Variants in XAB2 observed in about 807,000 individuals in gnomAD.
XAB2 encodes XPA binding protein 2.
Under a neutral mutation model 113.4 loss-of-function variants are expected in XAB2, and 57 were observed. That is an observed-to-expected ratio of 0.50 (90% CI 0.41 to 0.63). The LOEUF is 0.63. Among genes scored for constraint, XAB2 ranks in the 20% least tolerant of loss-of-function variants. The pLI, the probability that XAB2 is intolerant of heterozygous loss-of-function variation, is 0.00. For synonymous variants in XAB2, 497 were observed against 498.8 expected (o/e 1.00, Z 0.05); for missense variants, 1,037 against 1,233.3 (o/e 0.84, Z 2.38).
chr19:7,620,056 C>T lies in XAB2; in HGVS notation c.2286G>A (p.Gly762=), dbSNP rs909331517. ...ATGTVSDLAP[G]QSGMDDMKLL... ...GCTTCATGTCGTCCATGCCACTCTG[C>T]CCAGGGGCCAGGTCAGACACTAGGG... Residue 762 remains glycine (G), a synonymous_variant, in exon 17 of 19, where the codon GGG becomes GGA. Coordinates refer to ENST00000358368, the MANE Select transcript of XAB2 (RefSeq NM_020196.3). 6.2e-7 allele frequency: 1 copy of T among 1,612,044 alleles called. No homozygotes were observed. Among genetic ancestry groups the T allele is most frequent in the Non-Finnish European group, 8.5e-7 (1 of 1,179,968 alleles).
In XAB2 at chr19:7,619,836, T is replaced by C. The variant is rs2030988794; in HGVS notation, c.2417A>G (p.Glu806Gly). The C allele has an allele frequency of 6.2e-7, 1 of 1,612,722 alleles. No homozygotes were observed. The highest frequency in any genetic ancestry group is 8.5e-7 in the Non-Finnish European group (1 of 1,179,900). The change falls in exon 18 of 19, where the codon GAG becomes GGG. Residue 806 changes from glutamate (E) to glycine (G), a missense_variant. By Grantham distance (98) the Glu-to-Gly change is moderately conservative. Coordinates refer to ENST00000358368, the MANE Select transcript of XAB2 (RefSeq NM_020196.3). ...GACCTGCTGTGCCAGCTCTGCCAGC[T>C]CCTCCCGGGAGGCGTCACTCCTAGG... ...LFVRSDASREELAELAQQVNP... is the reference protein window; with the variant it reads ...LFVRSDASREGLAELAQQVNP...
chr19:7,621,339 G>A (rs1209809999), intron 12 of XAB2, 42 bp from the exon 13 acceptor site: 4 of 1,601,648 alleles, frequency 2.5e-6, no homozygotes, highest in South Asian at 1.1e-5. Flanking sequence ...TCTGCAGATA[G>A]AGACCACCAG....
intron 12 of XAB2, chr19:7,621,520 C>T: frequency 1.7e-6 from 1 of 578,486 alleles, no homozygotes; most frequent in Non-Finnish European, 3.1e-6. Context: ...ACCTGCTAAG[C>T]ACAGTCTGGC....
chr19:7,621,975 A>C (rs894845738), intron 12 of XAB2: 17 of 231,808 alleles, frequency 7.3e-5, no homozygotes, highest in Non-Finnish European at 1.5e-4. Flanking sequence ...TTTGAAGATG[A>C]GATCACTAAG....
At position 7,620,386 on chromosome 19, in the gene XAB2, T is replaced by C; in HGVS notation, c.2155A>G (p.Thr719Ala). 6.2e-7 allele frequency: 1 copy of C among 1,612,596 alleles called. No homozygotes were observed. The highest frequency in any genetic ancestry group is 1.1e-5 in the South Asian group (1 of 91,084). The change falls in exon 16 of 19, where the codon ACC becomes GCC. Residue 719 changes from threonine to alanine, a missense_variant. Coordinates refer to ENST00000358368, the MANE Select transcript of XAB2 (RefSeq NM_020196.3). ...CGGATACGCAGCATTTCCTTGATGG[T>C]GTCCTCATTGCCATGCCGGACCTCA... ...DFEVRHGNEDTIKEMLRIRRS... is the reference protein window; with the variant it reads ...DFEVRHGNEDAIKEMLRIRRS...
chr19:7,622,175 C>T, intron 12 of XAB2, 156 bp downstream of exon 12: 1 of 717,770 alleles, frequency 1.4e-6, no homozygotes. Context: ...CCTGGACTTC[C>T]AGCCTCCAGG....
At chr19:7,622,280 G>A in intron 12 of XAB2, 51 bp downstream of exon 12, 2 of 1,567,048 alleles carry the variant, frequency 1.3e-6, no homozygotes, top group Non-Finnish European at 1.8e-6. Flanking sequence ...GAGGACCCCT[G>A]GGGAGGGGAC....
At position 7,628,413 on chromosome 19, in the gene XAB2, C is replaced by T. The variant is rs1474095325; in HGVS notation, c.52-115G>A. 7.5e-7 allele frequency: 1 copy of T among 1,332,470 alleles called. No homozygotes were observed. Among genetic ancestry groups the T allele is most frequent in the South Asian group, 1.3e-5 (1 of 74,672 alleles). The allele number at this position is 1,332,470 out of a possible 1,614,324, so 82.5% of individuals were successfully genotyped here. On this transcript the variant is annotated intron_variant, in intron 1 of 18. Transcript: ENST00000358368. This position sits in a 1 kb window ranked among gnomAD's most constrained non-coding sequence, Gnocchi z 4.6. ...CCGGACTTTTACCTAGATCCCACCA[C>T]CCACCAAGGAAGTCAGGTCACCAGA...
Position 7,623,211 on chromosome 19 carries a change from C to T in XAB2, c.1198G>A (p.Ala400Thr), listed in dbSNP as rs1191413256. 1.2e-6 allele frequency: 2 copies of T among 1,613,752 alleles called. No homozygotes were observed. Among genetic ancestry groups the T allele is most frequent in the African/African-American group, 2.7e-5 (2 of 74,940 alleles). Residue 400 changes from alanine to threonine, a missense_variant, in exon 9 of 19, where the codon GCG (alanine) becomes ACG (threonine). By Grantham distance (58) the Ala-to-Thr change is moderately conservative (BLOSUM62 0). Coordinates refer to ENST00000358368, the MANE Select transcript of XAB2 (RefSeq NM_020196.3). The surrounding 1 kb of genome is among the most constrained non-coding windows in gnomAD (Gnocchi z 4.6). ...ATGKPHTLWV[A>T]FAKFYEDNGQ... is the part of the protein sequence containing the mutation. ...TTGTCCTCATAAAACTTGGCAAACG[C>T]CACCCACAGAGTGTGGGGCTTGCCT...
Position 7,622,523 on chromosome 19 carries a change from A to G in XAB2, c.1503+7T>C. On this transcript the variant is annotated splice_region_variant and intron_variant, in intron 11 of 18. Transcript: ENST00000358368. ...GCCCCGTCCCTCCCCAGCCACAGGC[A>G]GCTCACCTGGAAGGTGCCGAGGCTC... is the stretch of plus-strand genomic sequence containing the variant. The G allele has an allele frequency of 6.2e-7, 1 of 1,613,918 alleles. No individual in the cohort carries two copies. Among genetic ancestry groups the G allele is most frequent in the South Asian group, 1.1e-5 (1 of 91,080 alleles).
chr19:7,625,967 G>A lies in XAB2; in HGVS notation c.735C>T (p.Arg245=), dbSNP rs200441084. 2.1e-5 allele frequency: 34 copies of A among 1,613,836 alleles called. No homozygotes were observed. Among genetic ancestry groups the A allele is most frequent in the Admixed American group, 5.0e-5 (3 of 59,990 alleles). ...GGTCGGTGAAGCGGGTGAGGCCCCCGCGGATGATGGCGTCCACATTGAGGG... is the reference window on the plus strand; with the variant it reads ...GGTCGGTGAAGCGGGTGAGGCCCCCACGGATGATGGCGTCCACATTGAGGG... ...VQSLNVDAII[R]GGLTRFTDQL... Residue 245 remains arginine, a synonymous_variant, in exon 6 of 19, where the codon CGC becomes CGT. Coordinates refer to ENST00000358368, the MANE Select transcript of XAB2 (RefSeq NM_020196.3). The surrounding 1 kb of genome is among the most constrained non-coding windows in gnomAD (Gnocchi z 5.2).
At chr19:7,626,074 C>T (rs373814919) in intron 5 of XAB2, 30 bp from the exon 6 acceptor site, 6 of 1,609,852 alleles carry the variant, frequency 3.7e-6, no homozygotes, top group Non-Finnish European at 5.1e-6. Flanking sequence ...GGGGGAGAGT[C>T]TCAGGCTCAG....
Position 7,622,903 on chromosome 19 carries a change from C to T in XAB2, c.1240-10G>A, listed in dbSNP as rs191313046. The T allele has an allele frequency of 5.5e-4, 891 of 1,612,618 alleles. 7 individuals are homozygous for T. Among genetic ancestry groups the T allele is most frequent in the Middle Eastern group, 2.5e-3 (15 of 6,012 alleles). On this transcript the variant is annotated splice_polypyrimidine_tract_variant and intron_variant, in intron 9 of 18. Transcript: ENST00000358368. ...CCAGGATGACACGGGCCTGCCGGGG[C>T]GGGCAGAGGCGAGGCTGAGACCCTG...
In XAB2 at chr19:7,621,039, G is replaced by C. The variant is rs1015922498; in HGVS notation, c.1781-3C>G. 1 of 1,548,214 alleles carries C rather than the reference G, an allele frequency of 6.5e-7. No individual in the cohort carries two copies. The highest frequency in any genetic ancestry group is 1.4e-5 in the African/African-American group (1 of 73,708). On this transcript the variant is annotated splice_polypyrimidine_tract_variant and splice_region_variant and intron_variant, in intron 13 of 18. Coordinates refer to ENST00000358368, the MANE Select transcript of XAB2 (RefSeq NM_020196.3). ...CTGTGCGTACAGCAGGTACAAGGCT[G>C]GGCGGGGTAGGCGGGGAGAGGGGAG... is the stretch of plus-strand genomic sequence containing the variant.
rs924018262 is a variant in XAB2 at position 7,621,784 on chromosome 19, C to T, written c.1618-487G>A. On this transcript the variant is annotated intron_variant, in intron 12 of 18. Transcript: ENST00000358368. ...CACGCAACCCACCCCCTGGACCCCA[C>T]AACCCGTCTCCTGAGCAGCGGGGCA... is the stretch of plus-strand genomic sequence containing the variant. The T allele has an allele frequency of 2.6e-4, 49 of 190,204 alleles. 1 individual carries two copies. Among genetic ancestry groups the T allele is most frequent in the African/African-American group, 1.1e-3 (45 of 42,546 alleles). 11.8% of individuals were successfully genotyped at this position (190,204 alleles called of 1,614,324 possible). A position where few individuals can be genotyped will look rare whatever the true frequency, so the allele number is the denominator to read the frequency against.
At chr19:7,629,295 T>C (rs532181410) in intron 1 of XAB2, among the ~76,000 whole-genome samples, 182 bp downstream of exon 1, 3 of 152,198 alleles carry the variant, frequency 2.0e-5, no homozygotes, top group African/African-American at 7.2e-5. Context: ...TACAACACCA[T>C]ATTTTTACTC....
Position 7,627,658 on chromosome 19 carries a change from T to G in XAB2, c.324+70A>C. 35 of 1,346,846 alleles carry G rather than the reference T, an allele frequency of 2.6e-5. No individual in the cohort carries two copies. The highest frequency in any genetic ancestry group is 4.7e-5 in the South Asian group (4 of 84,604). 83.4% of individuals were successfully genotyped at this position (1,346,846 alleles called of 1,614,324 possible). ...TCCCTAACATGCTGAGCCCAGCCCC[T>G]GTCCCCGCCCCACCCACCACCATGG... On this transcript the variant is annotated intron_variant, in intron 3 of 18. Transcript: ENST00000358368. The surrounding 1 kb of genome is among the most constrained non-coding windows in gnomAD (Gnocchi z 4.5).
chr19:7,624,574 G>A lies in XAB2; in HGVS notation c.823-129C>T, dbSNP rs575630411. ...GGTAGTGACGCATCCAGCACCTCTG[G>A]GTAGTGACCCCAGGACAGAGCCTCC... On this transcript the variant is annotated intron_variant, in intron 6 of 18. Transcript: ENST00000358368. The surrounding 1 kb of genome is among the most constrained non-coding windows in gnomAD (Gnocchi z 4.2). 7.3e-7 allele frequency: 1 copy of A among 1,373,916 alleles called. No individual in the cohort carries two copies. The allele number at this position is 1,373,916 out of a possible 1,614,324, so 85.1% of individuals were successfully genotyped here. A position where few individuals can be genotyped will look rare whatever the true frequency, so the allele number is the denominator to read the frequency against.
Position 7,619,748 on chromosome 19 carries a change from G to A in XAB2, c.2505C>T (p.Asn835=), listed in dbSNP as rs148416638. 22 of 1,613,504 alleles carry A rather than the reference G, an allele frequency of 1.4e-5. 1 individual carries two copies. The highest frequency in any genetic ancestry group is 1.2e-4 in the African/African-American group (9 of 74,914). The stretch of plus-strand genomic sequence containing the variant: ...TCCCCGCCCCAGCCGGGCCCTCACC[G>A]TTGGGCTCCAGGTCCATCTCGTCCT... ...EDEDEMDLEP[N]EVRLEQQSVP... is the part of the protein sequence containing the mutation. The change falls in exon 18 of 19, where the codon AAC becomes AAT. Residue 835 remains asparagine (N), a splice_region_variant and synonymous_variant. Coordinates refer to ENST00000358368, the MANE Select transcript of XAB2 (RefSeq NM_020196.3).
Sources: allele counts gnomAD v4.1 joint callset (sites outside exome capture counted in the v4.1 genomes callset), GRCh38; gene constraint gnomAD v4.1.1; non-coding constraint Gnocchi (gnomAD v3.1); transcripts MANE v1.5; gene names NCBI Gene and HGNC (gene_info 2026-07-23, HGNC 2026-07-21).